The following FOXP2 variants were observed in gnomAD, a reference collection of about 807,000 sequenced individuals.
The protein encoded by FOXP2 is forkhead box P2, also known as forkhead box protein P2.
A neutral mutation model predicts 115.8 loss-of-function variants in FOXP2; 12 were observed. That is an observed-to-expected ratio of 0.10 (90% CI 0.07 to 0.17). FOXP2 has a LOEUF of 0.17. Among genes scored for constraint, FOXP2 ranks in the 10% least tolerant of loss-of-function variants. FOXP2 has a pLI of 1.00. For missense variants in FOXP2, 629 were observed against 843.5 expected (o/e 0.75, Z 3.15); for synonymous variants, 328 against 297.7 (o/e 1.10, Z -1.05).
chr7:114,666,316 T>A (rs1274569231), intron 16 of FOXP2: 1 of 152,126 alleles, frequency 6.6e-6, no homozygotes, highest in Non-Finnish European at 1.5e-5. Flanking sequence ...AAAATTTTAA[T>A]TATCTTGCAG....
intron 3 of FOXP2, among the ~76,000 whole-genome samples, chr7:114,614,173 A>T (rs1437745259): frequency 1.3e-5 from 2 of 152,212 alleles, no homozygotes; most frequent in East Asian, 3.8e-4. Context: ...ATTCATTGCC[A>T]CTTTATACTT....
Position 114,096,239 on chromosome 7 carries a change from T to C in FOXP2, c.-247+8401T>C, listed in dbSNP as rs143797549. Among the ~76,000 whole-genome samples the C allele has an allele frequency of 4.2e-4, 64 of 152,366 alleles. 1 individual carries two copies. Among genetic ancestry groups the C allele is most frequent in the African/African-American group, 1.3e-3 (52 of 41,584 alleles). ...AGCAGTGATGTAAGCTTTCAAATAC[T>C]CATACATTTCAATACATTTTACATT... On this transcript the variant is annotated intron_variant, in intron 1 of 19. Coordinates refer to the FOXP2 transcript ENST00000635638.
chr7:114,577,462 T>G (rs192356912), intron 3 of FOXP2, among the ~76,000 whole-genome samples: 2 of 152,120 alleles, frequency 1.3e-5, no homozygotes, highest in East Asian at 3.9e-4. Context: ...ACAATAAGTT[T>G]TATGCAAATA....
chr7:114,257,596 C>G (rs181157397), intron 1 of FOXP2, among the ~76,000 whole-genome samples: 1 of 151,418 alleles, frequency 6.6e-6, no homozygotes, highest in Non-Finnish European at 1.5e-5. Flanking sequence ...TGGCATTACA[C>G]GAGCCTGCCA....
At chr7:114,396,876 A>G (rs1302655971) in intron 2 of FOXP2, among the ~76,000 whole-genome samples, 2 of 152,146 alleles carry the variant, frequency 1.3e-5, no homozygotes, top group African/African-American at 4.8e-5. Context: ...GAGGTAATGC[A>G]TATGTTAATT....
At chr7:114,615,257 C>T (rs1445972383) in intron 3 of FOXP2, among the ~76,000 whole-genome samples, 4 of 152,050 alleles carry the variant, frequency 2.6e-5, no homozygotes, top group African/African-American at 9.7e-5. Flanking sequence ...TCTTCTAATC[C>T]ACATACCCTT....
chr7:114,121,679 G>A (rs896085327), intron 1 of FOXP2, among the ~76,000 whole-genome samples: 2 of 152,118 alleles, frequency 1.3e-5, no homozygotes, highest in African/African-American at 2.4e-5. Flanking sequence ...TGACCATAGT[G>A]TTGAAAGATT....
At chr7:114,156,617 A>G (rs2129149675) in intron 1 of FOXP2, among the ~76,000 whole-genome samples, 1 of 152,214 alleles carries the variant, frequency 6.6e-6, no homozygotes. Context: ...GTCTCCCTCA[A>G]ATGTATAAAA....
At chr7:114,383,937 C>T (rs1792375925) in intron 2 of FOXP2, among the ~76,000 whole-genome samples, 1 of 152,206 alleles carries the variant, frequency 6.6e-6, no homozygotes, top group South Asian at 2.1e-4. Context: ...TAGTGATGCT[C>T]ACCAATGTAG....
At chr7:114,570,014 T>C (rs1342904712) in intron 3 of FOXP2, among the ~76,000 whole-genome samples, 1 of 151,930 alleles carries the variant, frequency 6.6e-6, no homozygotes, top group Admixed American at 6.6e-5. Flanking sequence ...AGTCTAAGGA[T>C]GTGTTGTCAC....
chr7:114,387,394 A>T (rs923507726), intron 2 of FOXP2, among the ~76,000 whole-genome samples: 1 of 152,188 alleles, frequency 6.6e-6, no homozygotes, highest in Admixed American at 6.5e-5. Flanking sequence ...ATGCCACTTT[A>T]CTGTAGTTCA....
intron 2 of FOXP2, among the ~76,000 whole-genome samples, chr7:114,489,473 T>C (rs1048929355): frequency 6.6e-6 from 1 of 152,076 alleles, no homozygotes; most frequent in Non-Finnish European, 1.5e-5. Flanking sequence ...TTTAATTACA[T>C]AAGTTGTCTC....
chr7:114,157,322 G>A (rs1792698026), intron 1 of FOXP2, among the ~76,000 whole-genome samples: 1 of 152,094 alleles, frequency 6.6e-6, no homozygotes, highest in Non-Finnish European at 1.5e-5. Context: ...AATGCTATTT[G>A]AGTAGCTTAT....
chr7:114,534,055 A>G (rs766135449), intron 2 of FOXP2, among the ~76,000 whole-genome samples: 23 of 152,044 alleles, frequency 1.5e-4, no homozygotes, highest in Non-Finnish European at 2.1e-4. Flanking sequence ...AAACCACTCA[A>G]TTTTATTTGG....
Position 114,559,746 on chromosome 7 carries a change from A to G in FOXP2, c.258+25040A>G, listed in dbSNP as rs1056486201. 2.6e-4 allele frequency among the ~76,000 whole-genome samples: 40 copies of G among 152,166 alleles called. 1 individual carries two copies. The highest frequency in any genetic ancestry group is 2.1e-3 in the Admixed American group (32 of 15,298). On this transcript the variant is annotated intron_variant, in intron 3 of 16. Transcript: ENST00000350908. Reference sequence around the variant, plus strand: ...AAAAAACACCACAAAAAAATTAGCCAGGCGTGGTGGCCGGCGCCTGTAGTC... The same window carrying G: ...AAAAAACACCACAAAAAAATTAGCCGGGCGTGGTGGCCGGCGCCTGTAGTC...
At chr7:114,459,530 G>A (rs1192913702) in intron 2 of FOXP2, among the ~76,000 whole-genome samples, 12 of 152,148 alleles carry the variant, frequency 7.9e-5, no homozygotes, top group Non-Finnish European at 1.3e-4. Context: ...CTAGATTTCC[G>A]AATAAGGTTA....
At chr7:114,301,377 A>G (rs1453670257) in intron 2 of FOXP2, among the ~76,000 whole-genome samples, 2 of 152,134 alleles carry the variant, frequency 1.3e-5, no homozygotes, top group Non-Finnish European at 2.9e-5. Context: ...GTCTTGAAAG[A>G]TGCAATGGCA....
intron 3 of FOXP2, among the ~76,000 whole-genome samples, chr7:114,597,522 G>A (rs1200118973): frequency 6.6e-6 from 1 of 151,984 alleles, no homozygotes; most frequent in African/African-American, 2.4e-5. Context: ...TGACATTCAG[G>A]CATCACCATA....
intron 2 of FOXP2, among the ~76,000 whole-genome samples, chr7:114,531,829 T>C (rs1441633020): frequency 6.6e-6 from 1 of 152,038 alleles, no homozygotes; most frequent in East Asian, 1.9e-4. Flanking sequence ...TGTAGGTGTA[T>C]GCTTTTGACT....
Sources: gnomAD v4.1 joint callset for allele counts (sites outside exome capture counted in the v4.1 genomes callset) on GRCh38, gnomAD v4.1.1 for gene constraint, MANE v1.5 for transcripts, NCBI Gene and HGNC (gene_info 2026-07-23, HGNC 2026-07-21) for gene names.